Variants in SIDT1 observed in about 807,000 individuals in gnomAD.
The protein encoded by SIDT1 is SID1 transmembrane family, member 1.
A neutral mutation model predicts 107.5 loss-of-function variants in SIDT1; 101 were observed. The observed-to-expected ratio is 0.94, with a 90% confidence interval of 0.80 to 1.11. SIDT1 has a LOEUF of 1.11. Among genes scored for constraint, SIDT1 ranks in the 50% least tolerant of loss-of-function variants. The pLI is 0.00. For missense variants in SIDT1, 1,076 were observed against 1,058.2 expected, an observed-to-expected ratio of 1.02 and a Z score of -0.23; for synonymous variants, 395 against 398.2, an observed-to-expected ratio of 0.99 and a Z score of 0.10.
chr3:113,534,200 T>C (rs1937828918), intron 1 of SIDT1, among the ~76,000 whole-genome samples: 1 of 152,004 alleles, frequency 6.6e-6, no homozygotes, highest in South Asian at 2.1e-4. Flanking sequence ...TCCCCTACCC[T>C]CTAGGGAAAT....
At chr3:113,537,677 A>G (rs2107570391) in intron 1 of SIDT1, among the ~76,000 whole-genome samples, 1 of 152,328 alleles carries the variant, frequency 6.6e-6, no homozygotes, top group East Asian at 1.9e-4. Flanking sequence ...GGCTAATCTC[A>G]TGTCTGGTGA....
At chr3:113,548,132 C>T (rs1025816278) in intron 1 of SIDT1, among the ~76,000 whole-genome samples, 1 of 152,016 alleles carries the variant, frequency 6.6e-6, no homozygotes, top group East Asian at 1.9e-4. Context: ...AATTTGCTTC[C>T]TCATTGATAC....
At chr3:113,573,956 A>C (rs1405470077) in intron 3 of SIDT1, among the ~76,000 whole-genome samples, 1 of 152,190 alleles carries the variant, frequency 6.6e-6, no homozygotes, top group Non-Finnish European at 1.5e-5. Context: ...TCCTGATAGC[A>C]GTGGGTGGAG....
chr3:113,594,786 A>T (rs1199864568), intron 10 of SIDT1: 1 of 153,612 alleles, frequency 6.5e-6, no homozygotes, highest in East Asian at 1.9e-4. Context: ...AAGAAAAAAA[A>T]AATCTCAAAC....
chr3:113,625,772 C>T lies in SIDT1; in HGVS notation c.2308-330C>T, dbSNP rs77106735. On this transcript the variant is annotated intron_variant, in intron 23 of 24. Transcript: ENST00000264852. ...TTTTCCCTTACAGTTCTTTCAGCTC[C>T]TTATATATTCTGGTTATTAATTTCT... is the stretch of plus-strand genomic sequence containing the variant. The T allele has an allele frequency of 5.9e-3, 1,281 of 216,020 alleles. 4 individuals carry two copies. The highest frequency in any genetic ancestry group is 0.013 in the Admixed American group (237 of 17,710). 13.4% of individuals were successfully genotyped at this position (216,020 alleles called of 1,614,324 possible). A position where few individuals can be genotyped will look rare whatever the true frequency, so the allele number is the denominator to read the frequency against.
At chr3:113,567,204 G>A (rs1049924744) in intron 2 of SIDT1, among the ~76,000 whole-genome samples, 2 of 152,172 alleles carry the variant, frequency 1.3e-5, no homozygotes, top group Admixed American at 6.5e-5. Flanking sequence ...GATGAAAATG[G>A]AATCAGCTGG....
At chr3:113,581,296 A>G in intron 5 of SIDT1, 65 bp from the exon 6 acceptor site, 1 of 1,285,344 alleles carries the variant, frequency 7.8e-7, no homozygotes, top group Non-Finnish European at 1.1e-6. Context: ...GACAGGACCT[A>G]TGTGTGGCAT....
At chr3:113,600,693 C>T (rs1944896869) in intron 10 of SIDT1, among the ~76,000 whole-genome samples, 1 of 152,206 alleles carries the variant, frequency 6.6e-6, no homozygotes, top group Admixed American at 6.5e-5. Context: ...CTTCACATGG[C>T]ACTGTTACTG....
chr3:113,555,421 G>A (rs763248891), intron 1 of SIDT1, among the ~76,000 whole-genome samples: 30 of 152,184 alleles, frequency 2.0e-4, no homozygotes, highest in Non-Finnish European at 4.4e-4. Flanking sequence ...CCTCTTACAG[G>A]ATAGGGAGTC....
At position 113,568,576 on chromosome 3, in the gene SIDT1, A is replaced by G. The variant is rs1300340961; in HGVS notation, c.515+866A>G. Among the ~76,000 whole-genome samples, 4 of 150,020 alleles carry G rather than the reference A, an allele frequency of 2.7e-5. No individual in the cohort carries two copies. The East Asian group carries it at 7.9e-4, about 30-fold the overall frequency. On this transcript the variant is annotated intron_variant, in intron 3 of 24. Coordinates refer to ENST00000264852, the MANE Select transcript of SIDT1 (RefSeq NM_017699.3). ...GCCACTGCACCCCAGCCTGGGCAACACAGCAAGACTCTGTCTCAAAAAAAA... is the reference window on the plus strand; with the variant it reads ...GCCACTGCACCCCAGCCTGGGCAACGCAGCAAGACTCTGTCTCAAAAAAAA...
chr3:113,566,117 A>G (rs149328035), intron 1 of SIDT1, among the ~76,000 whole-genome samples: 2 of 152,326 alleles, frequency 1.3e-5, no homozygotes, highest in Admixed American at 6.5e-5. Flanking sequence ...ATCTAAAATT[A>G]ACTGAATCAG....
chr3:113,628,309 T>A lies in SIDT1; in HGVS notation c.*601T>A, dbSNP rs1946984062. On this transcript the variant is annotated 3_prime_UTR_variant, in exon 25 of 25. Transcript: ENST00000264852. Reference sequence around the variant, plus strand: ...TATTTCCCCCAGGTTTCTGATGCCATCAGAAGGGCTCAGGAGTGGGGTTTG... The same window carrying A: ...TATTTCCCCCAGGTTTCTGATGCCAACAGAAGGGCTCAGGAGTGGGGTTTG... 6.5e-6 allele frequency: 1 copy of A among 153,326 alleles called. No individual in the cohort carries two copies. The highest frequency in any genetic ancestry group is 6.5e-5 in the Admixed American group (1 of 15,348). The allele number at this position is 153,326 out of a possible 1,614,324, so 9.5% of individuals were successfully genotyped here. A position where few individuals can be genotyped will look rare whatever the true frequency, so the allele number is the denominator to read the frequency against.
chr3:113,614,922 C>T, intron 19 of SIDT1: 2 of 780,272 alleles, frequency 2.6e-6, no homozygotes, highest in Non-Finnish European at 4.2e-6. Flanking sequence ...GACAAGTAAG[C>T]ATTACTTTTA....
At chr3:113,561,593 G>A (rs753537492) in intron 1 of SIDT1, among the ~76,000 whole-genome samples, 17 of 152,158 alleles carry the variant, frequency 1.1e-4, no homozygotes, top group African/African-American at 3.4e-4. Context: ...GGCAGTTGGC[G>A]AGTTGCTGAC....
Position 113,600,528 on chromosome 3 carries a change from T to A in SIDT1, c.1046-1060T>A, listed in dbSNP as rs531990700. 3.3e-5 allele frequency among the ~76,000 whole-genome samples: 5 copies of A among 152,280 alleles called. No individual in the cohort carries two copies. In the South Asian group the frequency reaches 8.3e-4, roughly 25 times the overall value. ...TTCCTGGAAAGAATTTAAAAGACTG[T>A]CCTACACAGTAAGTCTGCAATAAAC... On this transcript the variant is annotated intron_variant, in intron 10 of 24. Coordinates refer to ENST00000264852, the MANE Select transcript of SIDT1 (RefSeq NM_017699.3).
chr3:113,608,635 G>T (rs1168321101), intron 17 of SIDT1, 99 bp downstream of exon 17: 1 of 832,016 alleles, frequency 1.2e-6, no homozygotes, highest in Non-Finnish European at 2.0e-6. Flanking sequence ...AGATCAAATG[G>T]CATTTTATGT....
chr3:113,634,621 C>A, the SIDT1 span, among the ~76,000 whole-genome samples: 1 of 152,054 alleles, frequency 6.6e-6, no homozygotes, highest in African/African-American at 2.4e-5. Context: ...CATGGCGAAA[C>A]CTTGTCTTTA....
rs1228759985 is a variant in SIDT1, at chr3:113,623,496, C to T, written c.2160C>T (p.Asn720=). The change falls in exon 22 of 25, where the codon AAC becomes AAT. Residue 720 remains asparagine (N), a synonymous_variant. Transcript: ENST00000264852. The stretch of plus-strand genomic sequence containing the variant: ...ACATGCTGGGCATCTTCATCTGTAA[C>T]CTTTTGCTGTACCTGGCCTTTTACA... ...ASYMLGIFIC[N]LLLYLAFYII... 6.2e-7 allele frequency: 1 copy of T among 1,614,002 alleles called. No individual in the cohort carries two copies. The highest frequency in any genetic ancestry group is 8.5e-7 in the Non-Finnish European group (1 of 1,179,988).
chr3:113,540,880 G>C (rs1938753345), intron 1 of SIDT1, among the ~76,000 whole-genome samples: 1 of 151,918 alleles, frequency 6.6e-6, no homozygotes, highest in South Asian at 2.1e-4. Flanking sequence ...TCAGTGATAA[G>C]CAATATTGAA....
Sources: allele counts gnomAD v4.1 joint callset (sites outside exome capture counted in the v4.1 genomes callset), GRCh38; gene constraint gnomAD v4.1.1; transcripts MANE v1.5; gene names NCBI Gene and HGNC (gene_info 2026-07-23, HGNC 2026-07-21).